The following SARDH variants were observed in gnomAD, a reference collection of about 807,000 sequenced individuals.
The protein encoded by SARDH is sarcosine dehydrogenase.
A neutral mutation model predicts 109.1 loss-of-function variants in SARDH; 95 were observed. That is an observed-to-expected ratio of 0.87 (90% CI 0.74 to 1.03). The LOEUF is 1.03. Among genes scored for constraint, SARDH ranks in the 50% least tolerant of loss-of-function variants. SARDH has a pLI of 0.00. For missense variants in SARDH, 1,267 were observed against 1,287.8 expected, an observed-to-expected ratio of 0.98 and a Z score of 0.25; for synonymous variants, 572 against 534.8, an observed-to-expected ratio of 1.07 and a Z score of -0.96.
At chr9:133,699,215 G>A (rs1831394314) in intron 13 of SARDH, among the ~76,000 whole-genome samples, 1 of 151,940 alleles carries the variant, frequency 6.6e-6, no homozygotes, top group Admixed American at 6.6e-5. Flanking sequence ...GCGTGGTGGT[G>A]CATGCCTGTA....
downstream of SARDH, among the ~76,000 whole-genome samples, chr9:133,659,788 G>A (rs1832388226): frequency 6.6e-6 from 1 of 152,048 alleles, no homozygotes; most frequent in Non-Finnish European, 1.5e-5. Context: ...GCCCCAGCCT[G>A]GAGAGCCACT....
chr9:133,666,987 C>CCTGG lies in SARDH; in HGVS notation c.2496-118_2496-117insCCAG. ...ATGCACACCCAACCGTGGCTCCAGG[C>CCTGG]AGATAGGGCTGGCCTACTAGGACTA... On this transcript the variant is annotated intron_variant, in intron 19 of 20. Transcript: ENST00000439388. This position sits in a 1 kb window ranked among gnomAD's most constrained non-coding sequence, Gnocchi z 5.2. The CCTGG allele has an allele frequency of 1.4e-6, 2 of 1,381,838 alleles. No individual in the cohort carries two copies. Among genetic ancestry groups the CCTGG allele is most frequent in the Non-Finnish European group, 2.0e-6 (2 of 1,001,268 alleles). The allele number at this position is 1,381,838 out of a possible 1,614,324, so 85.6% of individuals were successfully genotyped here. A position where few individuals can be genotyped will look rare whatever the true frequency, so the allele number is the denominator to read the frequency against.
chr9:133,675,162 A>G (rs1432931533), intron 17 of SARDH, among the ~76,000 whole-genome samples: 2 of 152,086 alleles, frequency 1.3e-5, no homozygotes, highest in Non-Finnish European at 2.9e-5. Flanking sequence ...TGGCCAACAT[A>G]GTGAAACCCT....
intron 15 of SARDH, among the ~76,000 whole-genome samples, chr9:133,694,005 G>T (rs917466363): frequency 6.6e-6 from 1 of 152,222 alleles, no homozygotes; most frequent in Non-Finnish European, 1.5e-5. Flanking sequence ...CAGCCACTCC[G>T]AACCGCAACA....
Position 133,718,769 on chromosome 9 carries a change from G to A in SARDH, c.1020+169C>T, listed in dbSNP as rs745515530. On this transcript the variant is annotated intron_variant, in intron 7 of 20. Transcript: ENST00000439388. This position sits in a 1 kb window ranked among gnomAD's most constrained non-coding sequence, Gnocchi z 4.2. ...CTGTATTTGACTGCCTGCCAGGACCGTCAGGGTAAGAGCAAGATGGCTTTG... is the reference window on the plus strand; with the variant it reads ...CTGTATTTGACTGCCTGCCAGGACCATCAGGGTAAGAGCAAGATGGCTTTG... The A allele has an allele frequency of 4.1e-5, 32 of 783,922 alleles. No homozygotes were observed. Among genetic ancestry groups the A allele is most frequent in the Non-Finnish European group, 6.6e-5 (28 of 422,552 alleles). The allele number at this position is 783,922 out of a possible 1,614,324, so 48.6% of individuals were successfully genotyped here.
chr9:133,709,176 G>A lies in SARDH; in HGVS notation c.1329-748C>T, dbSNP rs1049992135. Among the ~76,000 whole-genome samples the A allele has an allele frequency of 1.3e-5, 2 of 152,162 alleles. No homozygotes were observed. The highest frequency in any genetic ancestry group is 4.8e-5 in the African/African-American group (2 of 41,426). ...GGGGACACAGTGTGCGGCCACGGCAGCCCCCGGTGGTGTCCAGCACGAACC... is the reference window on the plus strand; with the variant it reads ...GGGGACACAGTGTGCGGCCACGGCAACCCCCGGTGGTGTCCAGCACGAACC... On this transcript the variant is annotated intron_variant, in intron 10 of 20. Transcript: ENST00000439388. This position sits in a 1 kb window ranked among gnomAD's most constrained non-coding sequence, Gnocchi z 4.2.
chr9:133,673,095 G>C (rs2131338523), intron 17 of SARDH, among the ~76,000 whole-genome samples: 1 of 152,324 alleles, frequency 6.6e-6, no homozygotes, highest in East Asian at 1.9e-4. Context: ...GGCACACCCT[G>C]CTCCGCTGAG....
rs567144365 is a variant in SARDH, at chr9:133,664,607, G to A, written c.2632-593C>T. 2.0e-5 allele frequency among the ~76,000 whole-genome samples: 3 copies of A among 152,108 alleles called. No individual in the cohort carries two copies. In the South Asian group the frequency reaches 6.2e-4, roughly 32 times the overall value. On this transcript the variant is annotated intron_variant, in intron 20 of 20. Coordinates refer to ENST00000439388, the MANE Select transcript of SARDH (RefSeq NM_001134707.2). The stretch of plus-strand genomic sequence containing the variant: ...TTTTGCTGCAGCTGCTATGAGGAGG[G>A]CAGGCTAGGCCACTCAGGGAAGCTG...
chr9:133,675,223 T>C (rs1455942286), intron 17 of SARDH, among the ~76,000 whole-genome samples: 1 of 152,050 alleles, frequency 6.6e-6, no homozygotes, highest in Non-Finnish European at 1.5e-5. Context: ...TGGTGGTGCA[T>C]GCCTGTAGTC....
At chr9:133,661,319 AAC>A (rs564270092), downstream of SARDH, among the ~76,000 whole-genome samples, 277 of 151,682 alleles carry the variant, frequency 1.8e-3, 1 homozygote, top group African/African-American at 6.5e-3. Context: ...CAGCTTGGGC[AAC>A]AGAGTAAAAC....
At chr9:133,726,368 A>AAGT (rs1832489685) in intron 6 of SARDH, among the ~76,000 whole-genome samples, 1 of 114,144 alleles carries the variant, frequency 8.8e-6, no homozygotes, top group Admixed American at 9.3e-5. Context: ...ACCCTGTCTC[A>AAGT]AATAATAATA....
chr9:133,715,339 G>A (rs897948493), intron 8 of SARDH, among the ~76,000 whole-genome samples: 3 of 152,210 alleles, frequency 2.0e-5, no homozygotes, highest in African/African-American at 7.2e-5. Flanking sequence ...GAAAGATAGA[G>A]AGAGACAGAG....
intron 11 of SARDH, among the ~76,000 whole-genome samples, chr9:133,707,163 A>G (rs1831723523): frequency 1.3e-5 from 2 of 152,226 alleles, no homozygotes; most frequent in African/African-American, 4.8e-5. Flanking sequence ...AGGGAAGTCG[A>G]GGCGTGGGTG....
intron 8 of SARDH, among the ~76,000 whole-genome samples, chr9:133,717,098 G>A (rs879266869): frequency 4.6e-5 from 7 of 152,300 alleles, no homozygotes; most frequent in Non-Finnish European, 8.8e-5. Context: ...CCCTGGCCTC[G>A]TGCTTGGGGC....
chr9:133,737,940 C>G (rs1184338065), intron 1 of SARDH, among the ~76,000 whole-genome samples: 1 of 152,228 alleles, frequency 6.6e-6, no homozygotes, highest in Non-Finnish European at 1.5e-5. Flanking sequence ...GGGCCTCGAG[C>G]AACAACTTAA....
rs1564272760 is a variant in SARDH at position 133,704,850 on chromosome 9, G to GCAGGGCACACGGAGGGGCAAGGA, written c.1554+97_1554+98insTCCTTGCCCCTCCGTGTGCCCTG. ...CACGACAGTGGAACCACCTGGGGAGGCGGGGCACACGGAGGGGCAAGGACG... is the reference window on the plus strand; with the variant it reads ...CACGACAGTGGAACCACCTGGGGAGGCAGGGCACACGGAGGGGCAAGGACGGGGCACACGGAGGGGCAAGGACG... On this transcript the variant is annotated intron_variant, in intron 12 of 20. Coordinates refer to ENST00000439388, the MANE Select transcript of SARDH (RefSeq NM_001134707.2). The surrounding 1 kb of genome is among the most constrained non-coding windows in gnomAD (Gnocchi z 4.5). The GCAGGGCACACGGAGGGGCAAGGA allele has an allele frequency of 4.2e-5, 42 of 1,008,152 alleles. No individual in the cohort carries two copies. The East Asian group carries it at 7.1e-4, about 17-fold the overall frequency. 62.5% of individuals were successfully genotyped at this position (1,008,152 alleles called of 1,614,324 possible).
chr9:133,670,094 C>T (rs1002326357), intron 19 of SARDH, among the ~76,000 whole-genome samples: 3 of 152,062 alleles, frequency 2.0e-5, no homozygotes, highest in Non-Finnish European at 2.9e-5. Flanking sequence ...TTTGGGAGGC[C>T]GAGGCAGGCA....
In SARDH at chr9:133,719,542, T is replaced by A. The variant is rs374360310; in HGVS notation, c.916-500A>T. Reference sequence around the variant, plus strand: ...CCACCCCAGGTCCCTCTTCAGGGGGTGATGCGCTTGCTCATGTATGGAAGG... The same window carrying A: ...CCACCCCAGGTCCCTCTTCAGGGGGAGATGCGCTTGCTCATGTATGGAAGG... On this transcript the variant is annotated intron_variant, in intron 6 of 20. Coordinates refer to ENST00000439388, the MANE Select transcript of SARDH (RefSeq NM_001134707.2). 7.2e-5 allele frequency among the ~76,000 whole-genome samples: 11 copies of A among 151,896 alleles called. 1 individual carries two copies. In the East Asian group the frequency reaches 1.6e-3, roughly 21 times the overall value.
intron 15 of SARDH, 76 bp from the exon 16 acceptor site, chr9:133,690,603 T>A: frequency 3.3e-6 from 5 of 1,514,788 alleles, no homozygotes; most frequent in Non-Finnish European, 4.5e-6. Context: ...GGCCCAAGGG[T>A]CTCCCGGCTG....
Sources: allele counts gnomAD v4.1 joint callset (sites outside exome capture counted in the v4.1 genomes callset), GRCh38; gene constraint gnomAD v4.1.1; non-coding constraint Gnocchi (gnomAD v3.1); transcripts MANE v1.5; gene names NCBI Gene and HGNC (gene_info 2026-07-23, HGNC 2026-07-21).